EYA1: variants seen among roughly 807,000 people sequenced by gnomAD.
EYA1 encodes the protein protein phosphatase EYA1.
Under a neutral mutation model 82.0 loss-of-function variants are expected in EYA1, and 16 were observed. The observed-to-expected ratio is 0.20, with a 90% CI of 0.13 to 0.30. The LOEUF is 0.30. EYA1 is among the 10% of genes least tolerant of loss of function. The pLI, the probability that EYA1 is intolerant of heterozygous loss-of-function variation, is 1.00. For missense variants in EYA1, 633 were observed against 730.7 expected (o/e 0.87, Z 1.54); for synonymous variants, 261 against 264.4 (o/e 0.99, Z 0.12).
chr8:71,253,147 C>A (rs573787038), intron 11 of EYA1, among the ~76,000 whole-genome samples: 1 of 152,022 alleles, frequency 6.6e-6, no homozygotes, highest in African/African-American at 2.4e-5. Context: ...GTGGTCAAGT[C>A]GAAGGATAAA....
At chr8:71,201,438 C>T (rs531195952) in intron 17 of EYA1, among the ~76,000 whole-genome samples, 35 of 152,198 alleles carry the variant, frequency 2.3e-4, no homozygotes, top group African/African-American at 6.5e-4. Flanking sequence ...CTAACTCTCT[C>T]TCTCTCTGCC....
chr8:71,483,559 C>CAAA (rs5892280), intron 2 of EYA1, among the ~76,000 whole-genome samples: 169 of 148,860 alleles, frequency 1.1e-3, no homozygotes, highest in African/African-American at 3.8e-3. Context: ...TTAGAATATA[C>CAAA]AAAAAAAAAA....
chr8:71,501,393 A>G (rs540325744), intron 2 of EYA1, among the ~76,000 whole-genome samples: 45 of 152,306 alleles, frequency 3.0e-4, no homozygotes, highest in African/African-American at 1.0e-3. Flanking sequence ...TTTGCTTGAA[A>G]TCCTGCAGGA....
In EYA1 at chr8:71,238,578, AT is replaced by A. The variant is rs545464641; in HGVS notation, c.1140+6024del. On this transcript the variant is annotated intron_variant, in intron 12 of 17. Coordinates refer to ENST00000340726, the MANE Select transcript of EYA1 (RefSeq NM_000503.6). ...TTCTTCCTAAATTTCCTTTTATGAT[AT>A]TTTTTGTTTTTGTGTTTTAGTAACT... Among the ~76,000 whole-genome samples the A allele has an allele frequency of 4.7e-4, 71 of 152,058 alleles. No individual in the cohort carries two copies. The South Asian group carries it at 5.6e-3, about 12-fold the overall frequency.
chr8:71,238,193 T>C (rs1812071547), intron 12 of EYA1, among the ~76,000 whole-genome samples: 1 of 152,194 alleles, frequency 6.6e-6, no homozygotes, highest in South Asian at 2.1e-4. Context: ...CACTATTAAT[T>C]TGCTTGGTTT....
At chr8:71,302,950 G>C (rs1367148491) in intron 7 of EYA1, among the ~76,000 whole-genome samples, 1 of 142,112 alleles carries the variant, frequency 7.0e-6, no homozygotes, top group East Asian at 2.1e-4. Flanking sequence ...TTATGTATTA[G>C]GCCTTAGCTG....
At chr8:71,442,837 T>C (rs1400256395) in intron 2 of EYA1, among the ~76,000 whole-genome samples, 2 of 152,246 alleles carry the variant, frequency 1.3e-5, no homozygotes, top group Admixed American at 1.3e-4. Context: ...TATCATGTCC[T>C]GGTCAATACT....
intron 12 of EYA1, among the ~76,000 whole-genome samples, chr8:71,219,312 G>C (rs977817166): frequency 6.6e-6 from 1 of 152,096 alleles, no homozygotes; most frequent in Non-Finnish European, 1.5e-5. Context: ...AGCAAAGTTC[G>C]GAGTAGTGAC....
rs34377404 is a variant in EYA1, at chr8:71,479,623, GAAAA to G, written c.33+56117_33+56120del. Among the ~76,000 whole-genome samples, 838 of 100,192 alleles carry G rather than the reference GAAAA, an allele frequency of 8.4e-3. 8 individuals are homozygous for G. Among genetic ancestry groups the G allele is most frequent in the African/African-American group, 0.026 (786 of 30,198 alleles). The allele number at this position is 100,192 out of a possible 152,430, so 65.7% of individuals were successfully genotyped here. A position where few individuals can be genotyped will look rare whatever the true frequency, so the allele number is the denominator to read the frequency against. ...AATACCTTTAGAACACTTTCTTTAT[GAAAA>G]AAAAAAAAAAAAAAAAGCCTCTCTG... On this transcript the variant is annotated intron_variant, in intron 2 of 18. Coordinates refer to the EYA1 transcript ENST00000643681.
At chr8:71,461,457 G>A (rs1034588088) in intron 2 of EYA1, among the ~76,000 whole-genome samples, 1 of 152,170 alleles carries the variant, frequency 6.6e-6, no homozygotes, top group African/African-American at 2.4e-5. Context: ...TAGCAACGGG[G>A]TATGTGGTAG....
At chr8:71,371,846 G>A (rs1231188200) in intron 2 of EYA1, among the ~76,000 whole-genome samples, 1 of 151,900 alleles carries the variant, frequency 6.6e-6, no homozygotes, top group Non-Finnish European at 1.5e-5. Context: ...GAAATAAAAA[G>A]TAAGATCACA....
chr8:71,415,111 G>A (rs966429996), intron 2 of EYA1, among the ~76,000 whole-genome samples: 1 of 152,070 alleles, frequency 6.6e-6, no homozygotes, highest in Non-Finnish European at 1.5e-5. Flanking sequence ...CATCAGCAGT[G>A]GTGTACCGGC....
rs959780999 is a variant in EYA1, at chr8:71,389,804, G to A, written c.34-33293C>T. On this transcript the variant is annotated intron_variant, in intron 2 of 18. Transcript: ENST00000643681. ...TCCACCAGAAAGACCCCTTTACACT[G>A]TAATGCCAGTAGTTCAACTGGCAAC... Among the ~76,000 whole-genome samples the A allele has an allele frequency of 2.0e-5, 3 of 152,136 alleles. No individual in the cohort carries two copies. The South Asian group carries it at 6.2e-4, about 32-fold the overall frequency.
chr8:71,288,991 G>C lies in EYA1; in HGVS notation c.826+10056C>G, dbSNP rs139323809. On this transcript the variant is annotated intron_variant, in intron 9 of 17. Transcript: ENST00000340726. ...CAGATCCCCACCTTCACTTTAAAAC[G>C]AATAGCTTCCCTTTTCCTTGATAGA... Among the ~76,000 whole-genome samples the C allele has an allele frequency of 5.9e-5, 9 of 152,256 alleles. No homozygotes were observed. The East Asian group carries it at 1.7e-3, about 29-fold the overall frequency.
chr8:71,205,613 A>G (rs1807665623), intron 17 of EYA1, among the ~76,000 whole-genome samples: 1 of 152,234 alleles, frequency 6.6e-6, no homozygotes, highest in Non-Finnish European at 1.5e-5. Flanking sequence ...TGAAGGAGGT[A>G]CTTTTTATGA....
intron 2 of EYA1, among the ~76,000 whole-genome samples, chr8:71,477,686 C>A (rs1809776854): frequency 6.6e-6 from 1 of 152,052 alleles, no homozygotes. Context: ...TATTTAAACA[C>A]AGGGTTATTC....
At chr8:71,394,304 CT>C (rs1424480016) in intron 2 of EYA1, among the ~76,000 whole-genome samples, 1 of 152,130 alleles carries the variant, frequency 6.6e-6, no homozygotes, top group Non-Finnish European at 1.5e-5. Flanking sequence ...AAATAGATCC[CT>C]TTTGTCAACT....
Position 71,254,262 on chromosome 8 carries a change from A to G in EYA1, c.1051-9570T>C, listed in dbSNP as rs866009948. Among the ~76,000 whole-genome samples the G allele has an allele frequency of 8.0e-3, 1,205 of 150,404 alleles. 7 individuals are homozygous for G. The highest frequency in any genetic ancestry group is 0.012 in the Non-Finnish European group (830 of 67,506). On this transcript the variant is annotated intron_variant, in intron 11 of 17. Coordinates refer to ENST00000340726, the MANE Select transcript of EYA1 (RefSeq NM_000503.6). ...CTTGGCCAAAAAAAAAAAAAAAAAA[A>G]AAAAAAGAAAAGGAAACTGAATCTA...
At chr8:71,483,185 T>C (rs1810304289) in intron 2 of EYA1, among the ~76,000 whole-genome samples, 1 of 152,230 alleles carries the variant, frequency 6.6e-6, no homozygotes, top group South Asian at 2.1e-4. Context: ...AAAACATTCC[T>C]TGAATATTGC....
Sources: gnomAD v4.1 joint callset for allele counts (sites outside exome capture counted in the v4.1 genomes callset) on GRCh38, gnomAD v4.1.1 for gene constraint, MANE v1.5 for transcripts, NCBI Gene and HGNC (gene_info 2026-07-23, HGNC 2026-07-21) for gene names.